Variants in RERE observed in about 807,000 individuals in gnomAD.
RERE encodes arginine-glutamic acid dipeptide repeats protein.
A neutral mutation model predicts 146.1 loss-of-function variants in RERE; 40 were observed. The ratio of observed to expected loss-of-function variants is 0.27; its 90% CI spans 0.21 to 0.36. RERE has a LOEUF of 0.36. RERE is among the 10% of genes least tolerant of loss of function. The pLI, the probability that RERE is intolerant of heterozygous loss-of-function variation, is 1.00. For synonymous variants in RERE, 1,003 were observed against 866.0 expected (o/e 1.16, Z -2.78); for missense variants, 1,933 against 2,138.7 (o/e 0.90, Z 1.90).
chr1:8,691,777 A>G (rs991520724), intron 1 of RERE, among the ~76,000 whole-genome samples: 21 of 152,250 alleles, frequency 1.4e-4, no homozygotes, highest in Admixed American at 2.0e-4. Flanking sequence ...CTGGGTACTT[A>G]TATGCCACAA....
chr1:8,582,797 C>T (rs1399411160), intron 4 of RERE, among the ~76,000 whole-genome samples: 4 of 152,094 alleles, frequency 2.6e-5, no homozygotes, highest in Non-Finnish European at 5.9e-5. Flanking sequence ...GTAGTGGTCA[C>T]GGTATAGAGA....
intron 1 of RERE, among the ~76,000 whole-genome samples, chr1:8,674,182 C>G (rs1300077864): frequency 1.3e-5 from 2 of 151,918 alleles, no homozygotes; most frequent in Admixed American, 6.6e-5. Flanking sequence ...ATAATATGTG[C>G]AAAGTTGCAG....
rs1639960710 is a variant in RERE at position 8,726,147 on chromosome 1, C to CTTTTCTTTTTTTT, written c.-144-69707_-144-69706insAAAAAAAAGAAAA. Among the ~76,000 whole-genome samples the CTTTTCTTTTTTTT allele has an allele frequency of 5.8e-4, 40 of 69,396 alleles. 3 individuals are homozygous for CTTTTCTTTTTTTT. Among genetic ancestry groups the CTTTTCTTTTTTTT allele is most frequent in the African/African-American group, 2.5e-3 (39 of 15,338 alleles). The allele number at this position is 69,396 out of a possible 152,430, so 45.5% of individuals were successfully genotyped here. On this transcript the variant is annotated intron_variant, in intron 1 of 22. Coordinates refer to ENST00000400908, the MANE Select transcript of RERE (RefSeq NM_001042681.2). ...AATTCCAGTTTTCCTTTTTTCTTTT[C>CTTTTCTTTTTTTT]TTTTTTTTTTTTTTTTTTTTTTTTT...
intron 4 of RERE, among the ~76,000 whole-genome samples, chr1:8,574,413 C>T (rs1300056682): frequency 3.0e-5 from 4 of 134,894 alleles, no homozygotes; most frequent in Non-Finnish European, 4.6e-5. Flanking sequence ...GGCACGATCT[C>T]GGCTCACTGC....
intron 1 of RERE, among the ~76,000 whole-genome samples, chr1:8,680,555 G>T (rs984630775): frequency 6.6e-6 from 1 of 152,088 alleles, no homozygotes; most frequent in South Asian, 2.1e-4. Context: ...ATATGGATGG[G>T]GGAAAGAAAG....
chr1:8,789,301 A>AAAAAAAAAAAAAAAAATATATATATATAT, intron 1 of RERE, among the ~76,000 whole-genome samples: 4 of 24,814 alleles, frequency 1.6e-4, no homozygotes, highest in African/African-American at 2.3e-4. Flanking sequence ...AAAAAAAAAA[A>AAAAAAAAAAAAAAAAATATATATATATAT]ATATATATAT....
At chr1:8,610,106 C>T (rs367624645) in intron 4 of RERE, among the ~76,000 whole-genome samples, 5 of 152,260 alleles carry the variant, frequency 3.3e-5, no homozygotes, top group East Asian at 3.9e-4. Flanking sequence ...GCAGAACCTT[C>T]GCTGTTTTTA....
chr1:8,808,997 G>A (rs1404898990), intron 1 of RERE, among the ~76,000 whole-genome samples: 1 of 152,018 alleles, frequency 6.6e-6, no homozygotes, highest in Non-Finnish European at 1.5e-5. Context: ...AATTAGTCAG[G>A]CATGGTGGCA....
intron 2 of RERE, among the ~76,000 whole-genome samples, chr1:8,647,736 T>C (rs1257388286): frequency 1.3e-5 from 2 of 151,924 alleles, no homozygotes; most frequent in African/African-American, 2.4e-5. Context: ...AGGAAATGTT[T>C]GTCTGAGTAA....
chr1:8,538,758 C>G (rs1645759390), intron 7 of RERE, among the ~76,000 whole-genome samples: 3 of 152,148 alleles, frequency 2.0e-5, no homozygotes, highest in African/African-American at 7.2e-5. Context: ...ATAGGGAACA[C>G]AAGTGTAGAA....
intron 12 of RERE, among the ~76,000 whole-genome samples, chr1:8,407,357 T>C (rs958065757): frequency 1.3e-5 from 2 of 152,194 alleles, no homozygotes; most frequent in African/African-American, 4.8e-5. Flanking sequence ...TTCTGCTACC[T>C]TATGAGACAG....
intron 1 of RERE, among the ~76,000 whole-genome samples, chr1:8,725,631 T>C (rs893958432): frequency 6.6e-6 from 1 of 152,182 alleles, no homozygotes; most frequent in Non-Finnish European, 1.5e-5. Flanking sequence ...ATTCATTAGT[T>C]TGCCCTTGGT....
chr1:8,366,025 C>A, intron 12 of RERE, 51 bp from the exon 13 acceptor site: 1 of 1,562,798 alleles, frequency 6.4e-7, no homozygotes, highest in Non-Finnish European at 8.8e-7. Context: ...CTTTTCCGTG[C>A]CCCACGCACC....
At chr1:8,532,479 G>A (rs901746909) in intron 7 of RERE, among the ~76,000 whole-genome samples, 2 of 152,080 alleles carry the variant, frequency 1.3e-5, no homozygotes, top group Non-Finnish European at 2.9e-5. Flanking sequence ...GGAGTGCAAT[G>A]GCACAATCTT....
intron 11 of RERE, among the ~76,000 whole-genome samples, chr1:8,458,105 C>T (rs1431929568): frequency 1.3e-5 from 2 of 152,114 alleles, no homozygotes; most frequent in Non-Finnish European, 2.9e-5. Flanking sequence ...TCTAAGCACA[C>T]GCATTAAAAC....
chr1:8,529,287 CTTTTTTTT>C (rs34547801), intron 7 of RERE, among the ~76,000 whole-genome samples: 2 of 102,446 alleles, frequency 2.0e-5, no homozygotes, highest in Non-Finnish European at 1.9e-5. Context: ...GTTCTCCCTT[CTTTTTTTT>C]TTTTTTTTTT....
intron 12 of RERE, among the ~76,000 whole-genome samples, chr1:8,406,303 G>A (rs1189577874): frequency 3.3e-5 from 5 of 151,946 alleles, no homozygotes; most frequent in Non-Finnish European, 7.4e-5. Flanking sequence ...GAACTCCTGG[G>A]CTCAACCGAT....
chr1:8,456,161 T>C (rs2124090780), intron 11 of RERE, among the ~76,000 whole-genome samples: 1 of 152,262 alleles, frequency 6.6e-6, no homozygotes. Flanking sequence ...AAAGCCAGGG[T>C]ATTTGACTCA....
intron 2 of RERE, among the ~76,000 whole-genome samples, chr1:8,649,791 G>A (rs748721431): frequency 8.6e-5 from 13 of 151,882 alleles, no homozygotes; most frequent in Non-Finnish European, 1.8e-4. Flanking sequence ...ACTATTGTCA[G>A]TAGATGGCAG....
Sources: gnomAD v4.1 joint callset for allele counts (sites outside exome capture counted in the v4.1 genomes callset) on GRCh38, gnomAD v4.1.1 for gene constraint, MANE v1.5 for transcripts, NCBI Gene and HGNC (gene_info 2026-07-23, HGNC 2026-07-21) for gene names.